The following ADAMTS19 variants were observed in gnomAD, a reference collection of about 807,000 sequenced individuals.
The protein encoded by ADAMTS19 is ADAM metallopeptidase with thrombospondin type 1 motif 19, also known as A disintegrin and metalloproteinase with thrombospondin motifs 19.
In ADAMTS19, 93 loss-of-function variants were observed where a neutral mutation model predicts 153.3. The ratio of observed to expected loss-of-function variants is 0.61; its 90% CI spans 0.51 to 0.72. ADAMTS19 has a LOEUF of 0.72. ADAMTS19 is among the 30% of genes least tolerant of loss of function. ADAMTS19 has a pLI of 0.00. For missense variants in ADAMTS19, 1,482 were observed against 1,552.1 expected (o/e 0.95, Z 0.76); for synonymous variants, 600 against 556.6 (o/e 1.08, Z -1.10).
chr5:129,666,897 TG>T (rs1754077896), intron 16 of ADAMTS19, among the ~76,000 whole-genome samples: 1 of 152,192 alleles, frequency 6.6e-6, no homozygotes, highest in African/African-American at 2.4e-5. Context: ...ATATCTCAAA[TG>T]GAATTTCTCA....
chr5:129,576,226 CCT>C (rs1754096587), intron 7 of ADAMTS19, among the ~76,000 whole-genome samples: 1 of 151,886 alleles, frequency 6.6e-6, no homozygotes, highest in Non-Finnish European at 1.5e-5. Context: ...TACCATTGTC[CCT>C]GTGATTGAAT....
At chr5:129,661,369 T>C (rs1215840623) in intron 15 of ADAMTS19, among the ~76,000 whole-genome samples, 1 of 152,236 alleles carries the variant, frequency 6.6e-6, no homozygotes, top group Non-Finnish European at 1.5e-5. Flanking sequence ...AAATTCTGCA[T>C]GAGTTATTAA....
At chr5:129,584,367 C>T (rs549667945) in intron 7 of ADAMTS19, among the ~76,000 whole-genome samples, 1 of 152,164 alleles carries the variant, frequency 6.6e-6, no homozygotes, top group East Asian at 1.9e-4. Context: ...TCAGGAGGCA[C>T]GGGGGTCAGG....
chr5:129,607,335 T>C (rs77238591), intron 8 of ADAMTS19, among the ~76,000 whole-genome samples: 3,020 of 152,338 alleles, frequency 0.02, 80 homozygotes, highest in African/African-American at 0.064. Flanking sequence ...CCCAACTGAA[T>C]AGCAATCTCT....
intron 7 of ADAMTS19, among the ~76,000 whole-genome samples, chr5:129,577,994 T>C (rs1749236234): frequency 6.7e-6 from 1 of 150,184 alleles, no homozygotes; most frequent in South Asian, 2.1e-4. Context: ...ATCGTCTTCT[T>C]TTTTTCTTTA....
chr5:129,626,142 C>A (rs1324024079), intron 10 of ADAMTS19, among the ~76,000 whole-genome samples: 1 of 152,018 alleles, frequency 6.6e-6, no homozygotes, highest in African/African-American at 2.4e-5. Context: ...GTTCTTATAC[C>A]TATTAACAGA....
chr5:129,605,048 T>A (rs1345222442), intron 8 of ADAMTS19, among the ~76,000 whole-genome samples: 1 of 152,198 alleles, frequency 6.6e-6, no homozygotes, highest in Non-Finnish European at 1.5e-5. Context: ...TCTGATTACT[T>A]CTCACTAATT....
chr5:129,521,447 T>G (rs1223353455), intron 3 of ADAMTS19, among the ~76,000 whole-genome samples: 3 of 152,214 alleles, frequency 2.0e-5, no homozygotes, highest in African/African-American at 7.2e-5. Context: ...TACATATACA[T>G]GCTCACATAT....
At chr5:129,549,098 G>A (rs1485131229) in intron 6 of ADAMTS19, among the ~76,000 whole-genome samples, 1 of 149,900 alleles carries the variant, frequency 6.7e-6, no homozygotes, top group African/African-American at 2.5e-5. Flanking sequence ...AATGGGTGCA[G>A]CACAGCAACA....
At position 129,568,157 on chromosome 5, in the gene ADAMTS19, G is replaced by A. The variant is rs546035354; in HGVS notation, c.1372+16250G>A. Among the ~76,000 whole-genome samples, 363 of 152,250 alleles carry A rather than the reference G, an allele frequency of 2.4e-3. 1 individual carries two copies. The highest frequency in any genetic ancestry group is 5.8e-3 in the Admixed American group (88 of 15,296). On this transcript the variant is annotated intron_variant, in intron 7 of 22. Transcript: ENST00000274487. ...GCCAAAGGAAGTAGTTCTAACAGAA[G>A]GGAAATGATACTTAAAGGAAACTTG...
rs1749641865 is a variant in ADAMTS19, at chr5:129,461,225, T to C, written c.215T>C (p.Val72Ala). The C allele has an allele frequency of 3.2e-6, 4 of 1,266,750 alleles. No homozygotes were observed. In the African/African-American group the frequency reaches 4.7e-5, roughly 15 times the overall value. The allele number at this position is 1,266,750 out of a possible 1,614,324, so 78.5% of individuals were successfully genotyped here. ...GCGGACCCGGGCTGGGTGCGCGGCG[T>C]TGGGGGCGGCGGAAGCGCCCGGGCG... is the stretch of plus-strand genomic sequence containing the variant. ...GSADPGWVRGVGGGGSARAQA... is the reference protein window; with the variant it reads ...GSADPGWVRGAGGGGSARAQA... Residue 72 changes from valine (V) to alanine (A), a missense_variant, in exon 2 of 23, where the codon GTT (valine) becomes GCT (alanine). Val to Ala is a moderately conservative substitution (Grantham distance 64, BLOSUM62 0). Coordinates refer to ENST00000274487, the MANE Select transcript of ADAMTS19 (RefSeq NM_133638.6). This position sits in a 1 kb window ranked among gnomAD's most constrained non-coding sequence, Gnocchi z 4.6.
intron 12 of ADAMTS19, 79 bp from the exon 13 acceptor site, chr5:129,648,719 A>T (rs2127042100): frequency 8.7e-7 from 1 of 1,151,588 alleles, no homozygotes; most frequent in Non-Finnish European, 1.2e-6. Context: ...ATATATTATT[A>T]ATATAATGGC....
rs373027599 is a variant in ADAMTS19 at position 129,588,613 on chromosome 5, A to G, written c.1373-7946A>G. ...AGATGAAATTGCAACATACACATAT[A>G]TTAAATACTATCAAATACTTCTTAT... On this transcript the variant is annotated intron_variant, in intron 7 of 22. Transcript: ENST00000274487. Among the ~76,000 whole-genome samples the G allele has an allele frequency of 3.7e-4, 56 of 152,022 alleles. 1 individual carries two copies. The South Asian group carries it at 0.011, about 30-fold the overall frequency.
intron 18 of ADAMTS19, among the ~76,000 whole-genome samples, chr5:129,686,006 T>G (rs1755070251): frequency 6.6e-6 from 1 of 152,170 alleles, no homozygotes; most frequent in African/African-American, 2.4e-5. Context: ...GAAAAGGAAG[T>G]ACTGACATTT....
At chr5:129,589,996 T>C (rs1019365845) in intron 7 of ADAMTS19, among the ~76,000 whole-genome samples, 1 of 152,182 alleles carries the variant, frequency 6.6e-6, no homozygotes, top group African/African-American at 2.4e-5. Flanking sequence ...TTTTGATTTC[T>C]AGCATTCTCA....
rs1260959599 is a variant in ADAMTS19, at chr5:129,735,051, C to T, written c.3432C>T (p.Cys1144=). 4.3e-6 allele frequency: 7 copies of T among 1,610,524 alleles called. No homozygotes were observed. The highest frequency in any genetic ancestry group is 1.3e-5 in the African/African-American group (1 of 74,630). The change falls in exon 22 of 23, where the codon TGC becomes TGT. Residue 1144 remains cysteine, a synonymous_variant. Transcript: ENST00000274487. The part of the protein sequence containing the change: ...SSEKPAAYRP[C]HLQPCNEKIN... Reference sequence around the variant, plus strand: ...AAAAACCTGCAGCATACAGGCCATGCCATCTTCAACCCTGCAATGAGAAAA... The same window carrying T: ...AAAAACCTGCAGCATACAGGCCATGTCATCTTCAACCCTGCAATGAGAAAA...
At chr5:129,699,582 G>C (rs990878344) in intron 19 of ADAMTS19, among the ~76,000 whole-genome samples, 7 of 152,146 alleles carry the variant, frequency 4.6e-5, no homozygotes, top group African/African-American at 1.7e-4. Context: ...GAGCCCCTCT[G>C]CTTCCCTAGG....
At chr5:129,638,596 C>A (rs1054588473) in intron 10 of ADAMTS19, among the ~76,000 whole-genome samples, 5 of 145,808 alleles carry the variant, frequency 3.4e-5, no homozygotes, top group Admixed American at 6.8e-5. Context: ...CACACACACA[C>A]ACACACAAGC....
At chr5:129,482,745 C>T (rs940086888) in intron 2 of ADAMTS19, among the ~76,000 whole-genome samples, 1 of 152,138 alleles carries the variant, frequency 6.6e-6, no homozygotes, top group South Asian at 2.1e-4. Flanking sequence ...CCATGACCAT[C>T]CCTGCCATTC....
Sources: gnomAD v4.1 joint callset for allele counts (sites outside exome capture counted in the v4.1 genomes callset) on GRCh38, gnomAD v4.1.1 for gene constraint, Gnocchi (gnomAD v3.1) non-coding constraint, MANE v1.5 for transcripts, NCBI Gene and HGNC (gene_info 2026-07-23, HGNC 2026-07-21) for gene names.